HPSE2: variants seen among roughly 807,000 people sequenced by gnomAD.
HPSE2 encodes inactive heparanase-2.
A neutral mutation model predicts 60.5 loss-of-function variants in HPSE2; 38 were observed. The observed-to-expected ratio is 0.63, with a 90% CI of 0.48 to 0.82. The LOEUF is 0.82. HPSE2 is among the 40% of genes least tolerant of loss of function. The probability of loss-of-function intolerance (pLI) is 0.00; values close to 1 mark genes in which losing one functional copy is unlikely to be tolerated. For synonymous variants in HPSE2, 295 were observed against 293.2 expected, an observed-to-expected ratio of 1.01 and a Z score of -0.06; for missense variants, 713 against 740.4, an observed-to-expected ratio of 0.96 and a Z score of 0.43.
chr10:98,862,119 C>T (rs1267839381), intron 3 of HPSE2, among the ~76,000 whole-genome samples: 2 of 152,158 alleles, frequency 1.3e-5, no homozygotes, highest in African/African-American at 4.8e-5. Context: ...GAAACCAAAG[C>T]TCAGATAGAT....
At chr10:99,113,359 T>C (rs1404867092) in intron 3 of HPSE2, among the ~76,000 whole-genome samples, 1 of 152,212 alleles carries the variant, frequency 6.6e-6, no homozygotes, top group African/African-American at 2.4e-5. Context: ...ACCATTCTTC[T>C]ATGTTGCTTT....
chr10:98,651,153 A>G (rs1463887320), intron 6 of HPSE2, among the ~76,000 whole-genome samples: 5 of 152,250 alleles, frequency 3.3e-5, no homozygotes, highest in African/African-American at 7.2e-5. Flanking sequence ...TTACCTCACT[A>G]TGATTCTTTT....
intron 6 of HPSE2, among the ~76,000 whole-genome samples, chr10:98,692,739 A>G (rs1234224515): frequency 6.6e-6 from 1 of 151,802 alleles, no homozygotes; most frequent in East Asian, 1.9e-4. Flanking sequence ...ACTGCACTCC[A>G]GCCTGGGCGA....
the HPSE2 span, among the ~76,000 whole-genome samples, chr10:99,282,994 C>T: frequency 6.6e-6 from 1 of 151,952 alleles, no homozygotes; most frequent in African/African-American, 2.4e-5. Flanking sequence ...ACCATCCTGG[C>T]TAACATGGTG....
intron 11 of HPSE2, among the ~76,000 whole-genome samples, chr10:98,481,911 A>G (rs1234414249): frequency 6.6e-6 from 1 of 152,158 alleles, no homozygotes; most frequent in African/African-American, 2.4e-5. Context: ...GGCCCTTCTC[A>G]CTGTGGCCTA....
chr10:98,835,331 G>C (rs186532481), intron 3 of HPSE2, among the ~76,000 whole-genome samples: 59 of 152,188 alleles, frequency 3.9e-4, no homozygotes, highest in Non-Finnish European at 6.6e-4. Flanking sequence ...TAGAAAAATA[G>C]CTTATATTTG....
At chr10:99,214,975 T>C (rs1849071661) in intron 2 of HPSE2, among the ~76,000 whole-genome samples, 1 of 152,126 alleles carries the variant, frequency 6.6e-6, no homozygotes, top group Non-Finnish European at 1.5e-5. Context: ...TAGTAACATT[T>C]TTACACTGTT....
intron 3 of HPSE2, among the ~76,000 whole-genome samples, chr10:98,850,413 A>T (rs944212833): frequency 6.6e-6 from 1 of 152,158 alleles, no homozygotes; most frequent in African/African-American, 2.4e-5. Context: ...CAGTGCTCAA[A>T]CTGAGATCCA....
At chr10:98,611,292 C>G (rs993958096) in intron 9 of HPSE2, among the ~76,000 whole-genome samples, 34 of 152,176 alleles carry the variant, frequency 2.2e-4, no homozygotes, top group African/African-American at 8.2e-4. Context: ...TCCTCATATT[C>G]TCTCTTACCT....
At chr10:99,213,400 G>A (rs572820463) in intron 2 of HPSE2, among the ~76,000 whole-genome samples, 2 of 152,164 alleles carry the variant, frequency 1.3e-5, no homozygotes, top group South Asian at 2.1e-4. Context: ...TCTGGCCATA[G>A]GTTCCATCCC....
At chr10:98,838,418 T>C (rs1327015227) in intron 3 of HPSE2, among the ~76,000 whole-genome samples, 1 of 152,134 alleles carries the variant, frequency 6.6e-6, no homozygotes, top group Non-Finnish European at 1.5e-5. Context: ...AATTATCTTT[T>C]CACATTTTAA....
At chr10:99,018,514 A>G (rs1423490589) in intron 3 of HPSE2, among the ~76,000 whole-genome samples, 5 of 152,234 alleles carry the variant, frequency 3.3e-5, no homozygotes, top group Admixed American at 3.3e-4. Flanking sequence ...GGTTCTATCC[A>G]GCATCCTGAG....
At chr10:98,645,174 A>G (rs997431876) in intron 6 of HPSE2, among the ~76,000 whole-genome samples, 1 of 152,224 alleles carries the variant, frequency 6.6e-6, no homozygotes, top group African/African-American at 2.4e-5. Context: ...GTCATACAGG[A>G]ATACAATTTG....
intron 3 of HPSE2, among the ~76,000 whole-genome samples, chr10:99,010,684 C>CT (rs1956992745): frequency 3.3e-5 from 5 of 152,266 alleles, no homozygotes; most frequent in African/African-American, 1.2e-4. Flanking sequence ...CTCAGATAAC[C>CT]TCTGAGAAGC....
chr10:98,546,528 A>T (rs1244967387), intron 9 of HPSE2, among the ~76,000 whole-genome samples: 1 of 151,976 alleles, frequency 6.6e-6, no homozygotes, highest in East Asian at 1.9e-4. Context: ...ATCTTTGACA[A>T]ACCTGACAAA....
At chr10:99,092,253 A>T (rs1843540348) in intron 3 of HPSE2, among the ~76,000 whole-genome samples, 1 of 152,220 alleles carries the variant, frequency 6.6e-6, no homozygotes, top group Non-Finnish European at 1.5e-5. Context: ...AAAATCCCAC[A>T]GAATTTTACT....
chr10:99,274,428 T>A, the HPSE2 span, among the ~76,000 whole-genome samples: 17 of 151,512 alleles, frequency 1.1e-4, no homozygotes, highest in African/African-American at 2.2e-4. Context: ...AAGTAAAATT[T>A]AAAAAAAACC....
At chr10:99,152,935 T>C (rs1189680197) in intron 2 of HPSE2, among the ~76,000 whole-genome samples, 1 of 152,240 alleles carries the variant, frequency 6.6e-6, no homozygotes, top group East Asian at 1.9e-4. Context: ...ATTGCCTCAC[T>C]TGGGAAGCGC....
chr10:99,229,877 A>G (rs1475628761), intron 2 of HPSE2, among the ~76,000 whole-genome samples: 2 of 152,248 alleles, frequency 1.3e-5, no homozygotes, highest in Non-Finnish European at 2.9e-5. Context: ...GATAACAGTT[A>G]TCACTAGATG....
Sources: gnomAD v4.1 joint callset for allele counts (sites outside exome capture counted in the v4.1 genomes callset) on GRCh38, gnomAD v4.1.1 for gene constraint, MANE v1.5 for transcripts, NCBI Gene and HGNC (gene_info 2026-07-23, HGNC 2026-07-21) for gene names.